The following B3GALT1 variants were observed in gnomAD, a reference collection of about 807,000 sequenced individuals.
B3GALT1 encodes the protein beta-1,3-galactosyltransferase 1.
In B3GALT1, 10 loss-of-function variants were observed where a neutral mutation model predicts 23.2. The observed-to-expected ratio is 0.43, with a 90% confidence interval of 0.27 to 0.73. B3GALT1 has a LOEUF of 0.73. B3GALT1 is among the 30% of genes least tolerant of loss of function. B3GALT1 has a pLI of 0.21. For synonymous variants in B3GALT1, 156 were observed against 141.5 expected, an observed-to-expected ratio of 1.10 and a Z score of -0.73; for missense variants, 299 against 405.4, an observed-to-expected ratio of 0.74 and a Z score of 2.25.
intron 1 of B3GALT1, among the ~76,000 whole-genome samples, chr2:167,444,110 C>T (rs1422527068): frequency 6.6e-6 from 1 of 152,190 alleles, no homozygotes; most frequent in Non-Finnish European, 1.5e-5. Context: ...GCCTTTTCTG[C>T]ATCTATTGAG....
At chr2:167,456,182 CATG>C (rs1298048080) in intron 1 of B3GALT1, among the ~76,000 whole-genome samples, 2 of 152,176 alleles carry the variant, frequency 1.3e-5, no homozygotes, top group East Asian at 3.9e-4. Context: ...AGCTTCCAAT[CATG>C]GTGGAAGGCA....
chr2:167,655,472 C>G (rs1685941422), intron 3 of B3GALT1, among the ~76,000 whole-genome samples: 1 of 152,002 alleles, frequency 6.6e-6, no homozygotes, highest in Non-Finnish European at 1.5e-5. Context: ...CAATTTAGAG[C>G]CTGAAAATCA....
intron 1 of B3GALT1, among the ~76,000 whole-genome samples, chr2:167,409,818 C>T (rs1272938619): frequency 6.6e-6 from 1 of 151,926 alleles, no homozygotes; most frequent in Non-Finnish European, 1.5e-5. Flanking sequence ...AACGCTTCTA[C>T]ACTCTTGGTG....
At chr2:167,623,240 C>G (rs1685290127) in intron 2 of B3GALT1, among the ~76,000 whole-genome samples, 1 of 151,978 alleles carries the variant, frequency 6.6e-6, no homozygotes, top group African/African-American at 2.4e-5. Context: ...ACCAGAAATA[C>G]CATTTGATCC....
At chr2:167,356,269 C>T (rs1241521008) in intron 1 of B3GALT1, among the ~76,000 whole-genome samples, 1 of 152,082 alleles carries the variant, frequency 6.6e-6, no homozygotes, top group Non-Finnish European at 1.5e-5. Context: ...ACTAACTACA[C>T]CAAGTAATGA....
intron 2 of B3GALT1, among the ~76,000 whole-genome samples, chr2:167,629,676 C>G (rs1044569677): frequency 1.3e-5 from 2 of 151,642 alleles, no homozygotes; most frequent in Admixed American, 1.3e-4. Flanking sequence ...TATCTGAGGT[C>G]AGTGAACTAG....
chr2:167,678,036 A>G (rs74937023), intron 3 of B3GALT1, among the ~76,000 whole-genome samples: 383 of 152,290 alleles, frequency 2.5e-3, no homozygotes, highest in Non-Finnish European at 4.4e-3. Context: ...TATAATTCAA[A>G]TTACAATTCA....
At chr2:167,562,787 G>T (rs1459186956) in intron 2 of B3GALT1, among the ~76,000 whole-genome samples, 2 of 151,928 alleles carry the variant, frequency 1.3e-5, no homozygotes, top group Admixed American at 1.3e-4. Flanking sequence ...CTAGGCAGAG[G>T]ACCCTGCGGC....
chr2:167,372,011 CG>C (rs1697694017), intron 1 of B3GALT1, among the ~76,000 whole-genome samples: 1 of 151,352 alleles, frequency 6.6e-6, no homozygotes, highest in South Asian at 2.1e-4. Context: ...AATATTTATT[CG>C]AACTATACTA....
At position 167,536,156 on chromosome 2, in the gene B3GALT1, G is replaced by A. The variant is rs149224344; in HGVS notation, c.-410+45879G>A. On this transcript the variant is annotated intron_variant, in intron 2 of 4. Coordinates refer to ENST00000392690, the MANE Select transcript of B3GALT1 (RefSeq NM_020981.4). ...TCCTGACATCAAGTGATCCACCTGC[G>A]TCGGCCTCCCAAAGTGCTGGGATTA... Among the ~76,000 whole-genome samples, 64 of 152,066 alleles carry A rather than the reference G, an allele frequency of 4.2e-4. No homozygotes were observed. In the East Asian group the frequency reaches 0.01, roughly 24 times the overall value.
intron 1 of B3GALT1, among the ~76,000 whole-genome samples, chr2:167,437,291 G>A (rs1020540543): frequency 8.5e-5 from 13 of 152,150 alleles, no homozygotes; most frequent in African/African-American, 3.1e-4. Flanking sequence ...TATGTTATTC[G>A]CTAGTTTTTG....
chr2:167,704,182 AC>A (rs1686935526), intron 3 of B3GALT1, among the ~76,000 whole-genome samples: 1 of 123,444 alleles, frequency 8.1e-6, no homozygotes, highest in African/African-American at 3.0e-5. Context: ...CTCAGTCTCA[AC>A]AAAAAAAAAA....
intron 3 of B3GALT1, among the ~76,000 whole-genome samples, chr2:167,666,577 G>T (rs1221221374): frequency 2.6e-5 from 4 of 151,538 alleles, no homozygotes; most frequent in African/African-American, 7.3e-5. Flanking sequence ...ATTAATGTGT[G>T]GGAGTCTAAG....
chr2:167,794,333 G>A (rs898963699), intron 3 of B3GALT1, among the ~76,000 whole-genome samples: 3 of 152,174 alleles, frequency 2.0e-5, no homozygotes, highest in African/African-American at 7.2e-5. Flanking sequence ...GTTTTTAATA[G>A]AGAAACACAC....
At chr2:167,493,576 T>G (rs1293473636) in intron 2 of B3GALT1, among the ~76,000 whole-genome samples, 19 of 152,194 alleles carry the variant, frequency 1.2e-4, no homozygotes, top group Admixed American at 1.0e-3. Flanking sequence ...TTATGCAGTT[T>G]TTATGTGCAA....
At chr2:167,304,911 T>C (rs1696526029) in intron 1 of B3GALT1, among the ~76,000 whole-genome samples, 1 of 152,166 alleles carries the variant, frequency 6.6e-6, no homozygotes, top group Admixed American at 6.6e-5. Flanking sequence ...AGAACATCAG[T>C]GTCCAAGGAC....
intron 1 of B3GALT1, among the ~76,000 whole-genome samples, chr2:167,346,181 G>T (rs1697219916): frequency 6.6e-6 from 1 of 151,778 alleles, no homozygotes; most frequent in Admixed American, 6.6e-5. Context: ...GGGGAAAAAA[G>T]TATGTCATAT....
At chr2:167,613,868 A>C (rs980534991) in intron 2 of B3GALT1, among the ~76,000 whole-genome samples, 1 of 151,878 alleles carries the variant, frequency 6.6e-6, no homozygotes, top group Non-Finnish European at 1.5e-5. Flanking sequence ...AAAATCAAGC[A>C]TCCACTTCCA....
At chr2:167,444,851 G>A (rs1698955936) in intron 1 of B3GALT1, among the ~76,000 whole-genome samples, 1 of 151,900 alleles carries the variant, frequency 6.6e-6, no homozygotes, top group Non-Finnish European at 1.5e-5. Flanking sequence ...AGAGTTTTTT[G>A]TGTCTGTATC....
Sources: allele counts gnomAD v4.1 joint callset (sites outside exome capture counted in the v4.1 genomes callset), GRCh38; gene constraint gnomAD v4.1.1; transcripts MANE v1.5; gene names NCBI Gene and HGNC (gene_info 2026-07-23, HGNC 2026-07-21).